Variants in INSC observed in about 807,000 individuals in gnomAD.
The protein encoded by INSC is protein inscuteable homolog.
INSC carries 67 observed loss-of-function variants against 58.6 expected under a neutral mutation model. The observed-to-expected ratio is 1.14, with a 90% confidence interval of 0.94 to 1.40. The LOEUF (loss-of-function observed/expected upper bound fraction) is 1.40, where lower values mean the gene tolerates loss of function less well. INSC is among the 40% of genes most tolerant of loss of function. The pLI is 0.00. For synonymous variants in INSC, 262 were observed against 276.1 expected, an observed-to-expected ratio of 0.95 and a Z score of 0.51; for missense variants, 714 against 692.0, an observed-to-expected ratio of 1.03 and a Z score of -0.36.
At chr11:15,126,840 A>C (rs1379698763) in intron 1 of INSC, among the ~76,000 whole-genome samples, 1 of 152,182 alleles carries the variant, frequency 6.6e-6, no homozygotes, top group Non-Finnish European at 1.5e-5. Context: ...ACCCAGACAA[A>C]AGCAGGGTGT....
intron 8 of INSC, among the ~76,000 whole-genome samples, chr11:15,223,288 T>C (rs1430665028): frequency 6.6e-6 from 1 of 152,216 alleles, no homozygotes; most frequent in Non-Finnish European, 1.5e-5. Flanking sequence ...ATGTATTCAT[T>C]CCTGCTTCAC....
Position 15,178,364 on chromosome 11 carries a change from A to C in INSC, c.496A>C (p.Lys166Gln). ...GAATGAGCATGTCCTGAAGTCAATG[A>C]AGGCCTGCGTGAGTGAGACCCTGAG... ...VENEHVLKSM[K>Q]ACVSETLSML... The change falls in exon 5 of 13, where the codon AAG becomes CAG. Residue 166 changes from lysine (K) to glutamine (Q), a missense_variant. By Grantham distance (53) the Lys-to-Gln change is moderately conservative. Coordinates refer to ENST00000379556, the MANE Select transcript of INSC (RefSeq NM_001042536.3). 1.2e-6 allele frequency: 2 copies of C among 1,613,900 alleles called. No individual in the cohort carries two copies. Among genetic ancestry groups the C allele is most frequent in the Non-Finnish European group, 1.7e-6 (2 of 1,180,022 alleles).
At chr11:15,231,331 C>A (rs1308681608) in intron 9 of INSC, among the ~76,000 whole-genome samples, 1 of 152,158 alleles carries the variant, frequency 6.6e-6, no homozygotes, top group Non-Finnish European at 1.5e-5. Flanking sequence ...CCCTGGGCCA[C>A]ACTGGAAGAA....
intron 1 of INSC, among the ~76,000 whole-genome samples, chr11:15,134,044 C>T (rs572706001): frequency 6.6e-6 from 1 of 152,188 alleles, no homozygotes; most frequent in South Asian, 2.1e-4. Context: ...CCTCATCCAG[C>T]ATGTTAGCTG....
chr11:15,198,697 G>C (rs1434917989), intron 6 of INSC, among the ~76,000 whole-genome samples: 1 of 151,716 alleles, frequency 6.6e-6, no homozygotes, highest in African/African-American at 2.4e-5. Context: ...TTTACATCTG[G>C]AAGAAGGCTA....
At chr11:15,115,619 T>C (rs1847673747) in intron 1 of INSC, among the ~76,000 whole-genome samples, 3 of 152,108 alleles carry the variant, frequency 2.0e-5, no homozygotes, top group Non-Finnish European at 4.4e-5. Flanking sequence ...GGGAGACAGC[T>C]TGGGAGACCC....
chr11:15,266,726 A>C, the INSC span, among the ~76,000 whole-genome samples: 12 of 151,970 alleles, frequency 7.9e-5, no homozygotes, highest in African/African-American at 2.9e-4. Context: ...TTTCATCATA[A>C]AGTGGAAAAG....
At chr11:15,268,944 T>G in the INSC span, among the ~76,000 whole-genome samples, 21 of 152,078 alleles carry the variant, frequency 1.4e-4, no homozygotes, top group African/African-American at 5.1e-4. Context: ...CCTACATTAT[T>G]AACTTCAAAT....
At chr11:15,268,694 C>T in the INSC span, among the ~76,000 whole-genome samples, 5 of 152,060 alleles carry the variant, frequency 3.3e-5, no homozygotes, top group Admixed American at 2.6e-4. Context: ...CTTTAAGCCC[C>T]ATGCTACTTG....
intron 5 of INSC, chr11:15,188,059 A>C (rs1423840115): frequency 7.9e-6 from 3 of 381,912 alleles, no homozygotes; most frequent in South Asian, 2.2e-4. Flanking sequence ...AATCAAGCCA[A>C]AGTCCCCTGT....
the INSC span, among the ~76,000 whole-genome samples, chr11:15,265,804 G>A: frequency 1.4e-5 from 2 of 141,548 alleles, no homozygotes; most frequent in African/African-American, 5.2e-5. Context: ...GTATTTTCAG[G>A]TATATGTTTT....
upstream of INSC, chr11:15,112,665 G>A: frequency 1.5e-6 from 1 of 668,160 alleles, no homozygotes; most frequent in Non-Finnish European, 2.3e-6. Context: ...GGGCATTTAT[G>A]CCAAGTGCCT....
At chr11:15,147,894 G>A (rs1232009801) in intron 1 of INSC, among the ~76,000 whole-genome samples, 1 of 152,172 alleles carries the variant, frequency 6.6e-6, no homozygotes, top group Non-Finnish European at 1.5e-5. Flanking sequence ...TTTCTATAGG[G>A]CTCCCGTGTA....
chr11:15,157,942 A>G (rs1564874897), intron 2 of INSC, among the ~76,000 whole-genome samples: 1 of 152,014 alleles, frequency 6.6e-6, no homozygotes, highest in Non-Finnish European at 1.5e-5. Context: ...CCAAATGAAA[A>G]CAGTTCCTCC....
chr11:15,262,441 G>A, the INSC span, among the ~76,000 whole-genome samples: 6 of 152,176 alleles, frequency 3.9e-5, no homozygotes, highest in Admixed American at 3.9e-4. Context: ...GACATACTGA[G>A]TCCGAAGAGA....
chr11:15,193,420 TCTC>T (rs1452746420), intron 6 of INSC, among the ~76,000 whole-genome samples: 2 of 152,228 alleles, frequency 1.3e-5, no homozygotes, highest in Admixed American at 1.3e-4. Context: ...TTTAGGTATT[TCTC>T]CTAATGCTAT....
intron 12 of INSC, among the ~76,000 whole-genome samples, chr11:15,245,342 T>A (rs996029082): frequency 6.6e-6 from 1 of 152,134 alleles, no homozygotes; most frequent in African/African-American, 2.4e-5. Flanking sequence ...AGCATTGGGC[T>A]GAAGATTAAG....
At chr11:15,123,029 A>G (rs1406704073) in intron 1 of INSC, among the ~76,000 whole-genome samples, 2 of 152,190 alleles carry the variant, frequency 1.3e-5, no homozygotes, top group East Asian at 3.9e-4. Flanking sequence ...TCCCTGCCAC[A>G]CTGGCCTCAG....
At chr11:15,121,054 T>C (rs1391022091) in intron 1 of INSC, among the ~76,000 whole-genome samples, 2 of 12,976 alleles carry the variant, frequency 1.5e-4, no homozygotes, top group Non-Finnish European at 9.3e-3. Flanking sequence ...TTTTATTATA[T>C]ATATGAATAC....
Sources: gnomAD v4.1 joint callset for allele counts (sites outside exome capture counted in the v4.1 genomes callset) on GRCh38, gnomAD v4.1.1 for gene constraint, MANE v1.5 for transcripts, NCBI Gene and HGNC (gene_info 2026-07-23, HGNC 2026-07-21) for gene names.